The following ZFHX3 variants were observed in gnomAD, a reference collection of about 807,000 sequenced individuals.
ZFHX3 encodes zinc finger homeobox 3.
ZFHX3 carries 42 observed loss-of-function variants against 279.1 expected under a neutral mutation model. That is an observed-to-expected ratio of 0.15 (90% CI 0.12 to 0.19). The LOEUF (loss-of-function observed/expected upper bound fraction) is 0.19. Ranked by LOEUF, ZFHX3 falls within the 10% of genes least tolerant of loss-of-function variation. ZFHX3 has a pLI of 1.00. For synonymous variants in ZFHX3, 2,293 were observed against 1,957.8 expected (o/e 1.17, Z -4.52); for missense variants, 4,981 against 4,754.0 (o/e 1.05, Z -1.40).
intron 2 of ZFHX3, among the ~76,000 whole-genome samples, chr16:73,497,345 T>C (rs1050196807): frequency 6.6e-6 from 1 of 152,200 alleles, no homozygotes; most frequent in Non-Finnish European, 1.5e-5. Context: ...CTCTTCCTCT[T>C]GGAGAAAGAC....
At chr16:73,184,780 T>A (rs1454032467) in intron 5 of ZFHX3, among the ~76,000 whole-genome samples, 1 of 152,116 alleles carries the variant, frequency 6.6e-6, no homozygotes, top group Non-Finnish European at 1.5e-5. Context: ...AGAAAAAAAA[T>A]GTCAAACGTA....
At chr16:73,835,382 CTCT>C (rs1961112151) in intron 1 of ZFHX3, among the ~76,000 whole-genome samples, 1 of 150,828 alleles carries the variant, frequency 6.6e-6, no homozygotes, top group Admixed American at 6.6e-5. Flanking sequence ...CCCACCGTCC[CTCT>C]TCTTTCCCCT....
intron 3 of ZFHX3, among the ~76,000 whole-genome samples, chr16:73,330,703 T>C (rs953528298): frequency 2.6e-5 from 4 of 152,146 alleles, no homozygotes; most frequent in East Asian, 1.9e-4. Context: ...GATGCTGAGA[T>C]TGAGGGGAGG....
intron 8 of ZFHX3, among the ~76,000 whole-genome samples, chr16:73,071,361 C>A (rs1314067170): frequency 2.0e-5 from 3 of 152,130 alleles, no homozygotes; most frequent in African/African-American, 7.2e-5. Context: ...GGCTCCCCTG[C>A]CTTCCCCACT....
chr16:73,398,562 A>G (rs942167596), intron 3 of ZFHX3, among the ~76,000 whole-genome samples: 28 of 152,158 alleles, frequency 1.8e-4, no homozygotes, highest in African/African-American at 6.8e-4. Flanking sequence ...GTCAGGGTGG[A>G]GCATTTATAA....
rs146011705 is a variant in ZFHX3 at position 73,724,471 on chromosome 16, G to C, written c.-1607-44231C>G. ...AGGTGTCATCATTGAGAACCCCACT[G>C]TTCCTTTGGTGAGACTTGGGGTGCC... On this transcript the variant is annotated intron_variant, in intron 1 of 17. Transcript: ENST00000641206. 9.3e-3 allele frequency among the ~76,000 whole-genome samples: 1,412 copies of C among 152,300 alleles called. 15 individuals are homozygous for C. Among genetic ancestry groups the C allele is most frequent in the Non-Finnish European group, 0.015 (1,002 of 68,026 alleles).
intron 2 of ZFHX3, among the ~76,000 whole-genome samples, chr16:72,956,890 G>T (rs1284953054): frequency 6.6e-6 from 1 of 150,990 alleles, no homozygotes; most frequent in Non-Finnish European, 1.5e-5. Context: ...ACTTTGAGAA[G>T]TCTATCTGGA....
chr16:73,357,099 C>T (rs1417868396), intron 3 of ZFHX3, among the ~76,000 whole-genome samples: 2 of 151,970 alleles, frequency 1.3e-5, no homozygotes, highest in Admixed American at 6.6e-5. Context: ...TCCCTTTCCC[C>T]ACTCCTCTAC....
chr16:73,688,540 GC>G (rs1167051646), intron 1 of ZFHX3, among the ~76,000 whole-genome samples: 1 of 152,034 alleles, frequency 6.6e-6, no homozygotes, highest in Non-Finnish European at 1.5e-5. Context: ...GTGCAAAGGC[GC>G]CCTGTATGAA....
intron 2 of ZFHX3, among the ~76,000 whole-genome samples, chr16:73,533,978 A>T (rs1597372492): frequency 1.3e-5 from 2 of 152,206 alleles, no homozygotes; most frequent in South Asian, 4.2e-4. Flanking sequence ...CCTATTCTCA[A>T]CCCAAAAGCC....
chr16:73,325,089 G>A (rs1291458379), intron 3 of ZFHX3, among the ~76,000 whole-genome samples: 1 of 152,130 alleles, frequency 6.6e-6, no homozygotes, highest in Non-Finnish European at 1.5e-5. Flanking sequence ...CTCTGGCTGC[G>A]AAGTAGAGAA....
At chr16:73,594,245 G>A (rs538947493) in intron 2 of ZFHX3, among the ~76,000 whole-genome samples, 1 of 152,018 alleles carries the variant, frequency 6.6e-6, no homozygotes, top group African/African-American at 2.4e-5. Flanking sequence ...ATTTTAAAAA[G>A]ATATCATGTA....
At chr16:72,866,580 G>T (rs1029025217) in intron 4 of ZFHX3, among the ~76,000 whole-genome samples, 2 of 152,202 alleles carry the variant, frequency 1.3e-5, no homozygotes, top group Non-Finnish European at 2.9e-5. Flanking sequence ...AAACTCCTAT[G>T]TGACTTATAA....
intron 4 of ZFHX3, chr16:73,318,126 G>A (rs1020026650): frequency 1.1e-4 from 16 of 152,212 alleles, no homozygotes; most frequent in African/African-American, 1.7e-4. Flanking sequence ...TTCCATGTCA[G>A]TAATGCCAGT....
intron 4 of ZFHX3, among the ~76,000 whole-genome samples, chr16:73,282,224 T>C (rs2014476250): frequency 6.6e-6 from 1 of 152,226 alleles, no homozygotes; most frequent in African/African-American, 2.4e-5. Context: ...TAAGCAATGG[T>C]TCGGCAAAGC....
At chr16:72,963,335 G>T (rs1192420544) in intron 1 of ZFHX3, among the ~76,000 whole-genome samples, 3 of 152,102 alleles carry the variant, frequency 2.0e-5, no homozygotes, top group African/African-American at 7.2e-5. Context: ...AAATGTCCAG[G>T]TATTCTGCTC....
Position 73,668,782 on chromosome 16 carries a change from C to T in ZFHX3, c.-1547+11398G>A, listed in dbSNP as rs111405215. On this transcript the variant is annotated intron_variant, in intron 2 of 17. Transcript: ENST00000641206. The stretch of plus-strand genomic sequence containing the variant: ...TGAACAGACACTTCTCAAAAGAAGA[C>T]GCTTATGCAGCCAACAAACATATGA... Among the ~76,000 whole-genome samples, 383 of 152,132 alleles carry T rather than the reference C, an allele frequency of 2.5e-3. 1 individual carries two copies. Among genetic ancestry groups the T allele is most frequent in the African/African-American group, 7.3e-3 (303 of 41,516 alleles).
At chr16:73,584,004 C>G (rs2051889569) in intron 2 of ZFHX3, among the ~76,000 whole-genome samples, 1 of 152,004 alleles carries the variant, frequency 6.6e-6, no homozygotes, top group Non-Finnish European at 1.5e-5. Flanking sequence ...TAAAAATATG[C>G]TTAGACATTG....
At chr16:73,570,317 A>G (rs1333576607) in intron 2 of ZFHX3, among the ~76,000 whole-genome samples, 1 of 152,242 alleles carries the variant, frequency 6.6e-6, no homozygotes, top group Non-Finnish European at 1.5e-5. Flanking sequence ...TCTGAAGTTA[A>G]ATACACATTG....
Sources: gnomAD v4.1 joint callset for allele counts (sites outside exome capture counted in the v4.1 genomes callset) on GRCh38, gnomAD v4.1.1 for gene constraint, MANE v1.5 for transcripts, NCBI Gene and HGNC (gene_info 2026-07-23, HGNC 2026-07-21) for gene names.